PLEKHA7: variants seen among roughly 807,000 people sequenced by gnomAD.
The protein encoded by PLEKHA7 is pleckstrin homology domain-containing family A member 7.
PLEKHA7 carries 104 observed loss-of-function variants against 170.0 expected under a neutral mutation model. That is an observed-to-expected ratio of 0.61 (90% CI 0.52 to 0.72). The LOEUF is 0.72. PLEKHA7 is among the 30% of genes least tolerant of loss of function. The pLI is 0.00. For synonymous variants in PLEKHA7, 648 were observed against 660.8 expected (o/e 0.98, Z 0.30); for missense variants, 1,615 against 1,671.7 (o/e 0.97, Z 0.59).
intron 3 of PLEKHA7, among the ~76,000 whole-genome samples, chr11:17,006,340 A>AG (rs1420356822): frequency 6.6e-6 from 1 of 151,564 alleles, no homozygotes; most frequent in Non-Finnish European, 1.5e-5. Flanking sequence ...AAAAAAAAAA[A>AG]AAACGTCCAG....
intron 3 of PLEKHA7, among the ~76,000 whole-genome samples, chr11:16,972,992 G>C (rs1157787742): frequency 6.6e-6 from 1 of 152,232 alleles, no homozygotes; most frequent in Admixed American, 6.5e-5. Context: ...AGCCAAAAGA[G>C]AGAGGCTTGA....
At chr11:16,823,647 AGCCAAATCTGAAT>A (rs916208020) in intron 10 of PLEKHA7, among the ~76,000 whole-genome samples, 14 of 152,266 alleles carry the variant, frequency 9.2e-5, no homozygotes, top group African/African-American at 3.4e-4. Context: ...CTATTAACCA[AGCCAAATCTGAAT>A]GCTAACTCCA....
rs768979909 is a variant in PLEKHA7 at position 16,790,901 on chromosome 11, C to A, written c.2949G>T (p.Ser983=). The change falls in exon 21 of 27, where the codon TCG becomes TCT. Residue 983 remains serine, a synonymous_variant. Transcript: ENST00000531066. ...VNGDSRVELR[S]YVSEPELATL... ...TCGCCAGCTCAGGCTCACTGACATACGACCGCAGCTCCACCTGTGGGCAGA... is the reference window on the plus strand; with the variant it reads ...TCGCCAGCTCAGGCTCACTGACATAAGACCGCAGCTCCACCTGTGGGCAGA... The A allele has an allele frequency of 1.2e-6, 2 of 1,613,092 alleles. No homozygotes were observed. Among genetic ancestry groups the A allele is most frequent in the Non-Finnish European group, 1.7e-6 (2 of 1,179,708 alleles).
chr11:16,863,597 C>T (rs1279755818), intron 4 of PLEKHA7, among the ~76,000 whole-genome samples: 6 of 152,202 alleles, frequency 3.9e-5, no homozygotes, highest in Admixed American at 2.0e-4. Context: ...ACACAGCCTG[C>T]TGTCAGTCAA....
chr11:16,795,788 C>G (rs916480753), intron 17 of PLEKHA7, among the ~76,000 whole-genome samples: 1 of 144,788 alleles, frequency 6.9e-6, no homozygotes, highest in Non-Finnish European at 1.5e-5. Flanking sequence ...GACCCTGTCT[C>G]AACAAAATAA....
chr11:16,866,397 G>T (rs969777305), intron 4 of PLEKHA7, among the ~76,000 whole-genome samples: 1 of 151,812 alleles, frequency 6.6e-6, no homozygotes, highest in Non-Finnish European at 1.5e-5. Context: ...TTCAAAACCA[G>T]CCTGGCCAAC....
intron 3 of PLEKHA7, among the ~76,000 whole-genome samples, chr11:17,009,711 TG>T (rs1201624240): frequency 1.3e-5 from 2 of 152,060 alleles, no homozygotes; most frequent in Non-Finnish European, 2.9e-5. Flanking sequence ...TCATAGCTCA[TG>T]GTAAACTCAG....
At chr11:16,909,757 G>C (rs1020152855) in intron 3 of PLEKHA7, among the ~76,000 whole-genome samples, 3 of 152,248 alleles carry the variant, frequency 2.0e-5, no homozygotes, top group Admixed American at 6.5e-5. Flanking sequence ...TTTGCAGCCT[G>C]ATGCTTGCTT....
chr11:16,928,579 A>T (rs1859724129), intron 3 of PLEKHA7, among the ~76,000 whole-genome samples: 1 of 151,828 alleles, frequency 6.6e-6, no homozygotes, highest in African/African-American at 2.4e-5. Context: ...CAGTCTTCTG[A>T]GTAGCTGACA....
rs145712658 is a variant in PLEKHA7, at chr11:16,960,969, T to G, written c.221+53020A>C. Among the ~76,000 whole-genome samples, 1,263 of 152,194 alleles carry G rather than the reference T, an allele frequency of 8.3e-3. 21 individuals are homozygous for G. The highest frequency in any genetic ancestry group is 0.029 in the African/African-American group (1,194 of 41,514). ...AGCTTCGTTTCACCACGTCAGCCCC[T>G]GCCTGTCTTTCCTCCACAACAAGAG... On this transcript the variant is annotated intron_variant, in intron 3 of 26. Transcript: ENST00000531066.
chr11:16,805,763 C>G (rs1002434671), intron 13 of PLEKHA7, among the ~76,000 whole-genome samples: 2 of 148,122 alleles, frequency 1.4e-5, no homozygotes, highest in Non-Finnish European at 3.0e-5. Context: ...GCACTCCAGC[C>G]TGGGTGACAG....
At chr11:16,805,584 G>A (rs1341239432) in intron 13 of PLEKHA7, among the ~76,000 whole-genome samples, 6 of 152,024 alleles carry the variant, frequency 3.9e-5, no homozygotes, top group South Asian at 2.1e-4. Context: ...GAGGTCAGGA[G>A]TTCAAGATCA....
chr11:16,975,878 C>T (rs1363044482), intron 3 of PLEKHA7, among the ~76,000 whole-genome samples: 1 of 152,196 alleles, frequency 6.6e-6, no homozygotes, highest in Non-Finnish European at 1.5e-5. Context: ...GTAACTCTTC[C>T]AGCCACAATC....
At chr11:16,892,435 T>TG (rs1554964897) in intron 3 of PLEKHA7, among the ~76,000 whole-genome samples, 1,476 of 98,114 alleles carry the variant, frequency 0.015, 13 homozygotes, top group Non-Finnish European at 0.019. Context: ...TGTGTGTGTG[T>TG]TTTGTTTTGT....
At chr11:16,891,739 G>A (rs115733494) in intron 3 of PLEKHA7, among the ~76,000 whole-genome samples, 2,369 of 152,228 alleles carry the variant, frequency 0.016, 61 homozygotes, top group African/African-American at 0.054. Context: ...TCACTTCTAG[G>A]AATCATACCT....
intron 3 of PLEKHA7, among the ~76,000 whole-genome samples, chr11:16,888,014 G>C (rs2135890049): frequency 6.6e-6 from 1 of 151,424 alleles, no homozygotes; most frequent in South Asian, 2.1e-4. Context: ...CGCCCCGTCT[G>C]GGATGTGAGG....
At chr11:16,936,975 T>A (rs1860348579) in intron 3 of PLEKHA7, among the ~76,000 whole-genome samples, 1 of 152,196 alleles carries the variant, frequency 6.6e-6, no homozygotes, top group Non-Finnish European at 1.5e-5. Context: ...GGGCAAGCTG[T>A]TTCCCTCCCC....
intron 8 of PLEKHA7, among the ~76,000 whole-genome samples, chr11:16,847,129 C>CAT (rs1852497895): frequency 9.0e-6 from 1 of 111,668 alleles, no homozygotes; most frequent in South Asian, 3.2e-4. Flanking sequence ...CGGAGTCTTG[C>CAT]TCTGTCGCCC....
chr11:16,867,691 T>C (rs751473279), intron 4 of PLEKHA7, among the ~76,000 whole-genome samples: 25 of 152,134 alleles, frequency 1.6e-4, no homozygotes, highest in African/African-American at 4.6e-4. Flanking sequence ...ATTTAGGTAA[T>C]TGGTTGCAGC....
Sources: gnomAD v4.1 joint callset for allele counts (sites outside exome capture counted in the v4.1 genomes callset) on GRCh38, gnomAD v4.1.1 for gene constraint, MANE v1.5 for transcripts, NCBI Gene and HGNC (gene_info 2026-07-23, HGNC 2026-07-21) for gene names.